The following DNM2 variants were observed in gnomAD, a reference collection of about 807,000 sequenced individuals.
DNM2 encodes the protein dynamin-2.
In DNM2, 15 loss-of-function variants were observed where a neutral mutation model predicts 99.0. That is an observed-to-expected ratio of 0.15 (90% CI 0.10 to 0.23). The LOEUF (loss-of-function observed/expected upper bound fraction) is 0.23. DNM2 is among the 10% of genes least tolerant of loss of function. The probability of loss-of-function intolerance (pLI) is 1.00; values close to 1 mark genes in which losing one functional copy is unlikely to be tolerated. For synonymous variants in DNM2, 525 were observed against 481.2 expected (o/e 1.09, Z -1.19); for missense variants, 742 against 1,189.4 (o/e 0.62, Z 5.53).
chr19:10,818,194 T>G lies in DNM2; in HGVS notation c.1672-1786T>G, dbSNP rs2072835237. On this transcript the variant is annotated intron_variant, in intron 15 of 20. Coordinates refer to ENST00000389253, the MANE Select transcript of DNM2 (RefSeq NM_001005361.3). The surrounding 1 kb of genome is among the most constrained non-coding windows in gnomAD (Gnocchi z 4.3). ...TTGGGTCCGCAGCGGCATCCCTCCC[T>G]CCATGGCCACCGGGCCCCTCTCCTA... Among the ~76,000 whole-genome samples, 1 of 114,388 alleles carries G rather than the reference T, an allele frequency of 8.7e-6. No individual in the cohort carries two copies. Among genetic ancestry groups the G allele is most frequent in the Non-Finnish European group, 2.0e-5 (1 of 50,822 alleles). 75.0% of individuals were successfully genotyped at this position (114,388 alleles called of 152,430 possible). A position where few individuals can be genotyped will look rare whatever the true frequency, so the allele number is the denominator to read the frequency against.
At position 10,829,020 on chromosome 19, in the gene DNM2, C is replaced by T. The variant is rs1366872498; in HGVS notation, c.2059-16C>T. On this transcript the variant is annotated splice_polypyrimidine_tract_variant and intron_variant, in intron 18 of 20. Transcript: ENST00000389253. ...GGTGATACACAAGCCTGACCCTCCC[C>T]AACCCCTGCCCGCAGACGAAGGCCT... 6.2e-7 allele frequency: 1 copy of T among 1,610,320 alleles called. No individual in the cohort carries two copies. Among genetic ancestry groups the T allele is most frequent in the East Asian group, 2.2e-5 (1 of 44,574 alleles).
At chr19:10,794,769 GAAAGAAA>G (rs2071877116) in intron 8 of DNM2, among the ~76,000 whole-genome samples, 1 of 151,738 alleles carries the variant, frequency 6.6e-6, no homozygotes, top group Non-Finnish European at 1.5e-5. Flanking sequence ...AAAACAAAAA[GAAAGAAA>G]AAAGAAAAAG....
At chr19:10,719,593 C>A (rs995486705) in intron 1 of DNM2, among the ~76,000 whole-genome samples, 3 of 152,214 alleles carry the variant, frequency 2.0e-5, no homozygotes, top group Non-Finnish European at 2.9e-5. Flanking sequence ...CTCCCTCCCA[C>A]CAACCCCTCT....
At chr19:10,801,462 A>G (rs2072139478) in intron 11 of DNM2, among the ~76,000 whole-genome samples, 1 of 151,990 alleles carries the variant, frequency 6.6e-6, no homozygotes, top group Non-Finnish European at 1.5e-5. Context: ...TCTACAAAAA[A>G]AGAAAAATCA....
At chr19:10,803,890 TAAAC>T (rs757383602) in intron 12 of DNM2, among the ~76,000 whole-genome samples, 3 of 152,134 alleles carry the variant, frequency 2.0e-5, no homozygotes, top group Non-Finnish European at 4.4e-5. Context: ...GTGGAGTCCT[TAAAC>T]AAATTGTCAC....
chr19:10,801,601 T>C (rs1209768280), intron 11 of DNM2, among the ~76,000 whole-genome samples: 1 of 136,028 alleles, frequency 7.4e-6, no homozygotes, highest in African/African-American at 2.8e-5. Flanking sequence ...GTAAGTTCTT[T>C]TCTCAAAAAA....
rs919939086 is a variant in DNM2, at chr19:10,772,265, G to C, written c.236-214G>C. Among the ~76,000 whole-genome samples, 1 of 151,902 alleles carries C rather than the reference G, an allele frequency of 6.6e-6. No homozygotes were observed. Among genetic ancestry groups the C allele is most frequent in the African/African-American group, 2.4e-5 (1 of 41,370 alleles). ...AGGCTAATTTTTTGTATTTTTAGTA[G>C]AGACAGGGTTTCACCATGTTAGTGA... is the stretch of plus-strand genomic sequence containing the variant. On this transcript the variant is annotated intron_variant, in intron 2 of 20. Coordinates refer to ENST00000389253, the MANE Select transcript of DNM2 (RefSeq NM_001005361.3). This position sits in a 1 kb window ranked among gnomAD's most constrained non-coding sequence, Gnocchi z 4.9.
chr19:10,812,248 G>A lies in DNM2; in HGVS notation c.1558-16G>A. The A allele has an allele frequency of 6.3e-7, 1 of 1,577,056 alleles. No homozygotes were observed. Among genetic ancestry groups the A allele is most frequent in the Non-Finnish European group, 8.6e-7 (1 of 1,161,070 alleles). On this transcript the variant is annotated splice_polypyrimidine_tract_variant and intron_variant, in intron 14 of 20. Transcript: ENST00000389253. This position sits in a 1 kb window ranked among gnomAD's most constrained non-coding sequence, Gnocchi z 4.0. ...ACGGAGCGAGGTTCCCTGCTAAGCT[G>A]CGCGCTTTCCCCCAGGTGATCCGCA...
chr19:10,796,859 T>C lies in DNM2; in HGVS notation c.1197-521T>C, dbSNP rs900728245. Among the ~76,000 whole-genome samples the C allele has an allele frequency of 3.3e-5, 5 of 151,970 alleles. No homozygotes were observed. The highest frequency in any genetic ancestry group is 3.3e-4 in the Admixed American group (5 of 15,254). ...ACCCGCGCCAACGCCGCGGGCCTGGTTCCCAGGGCAGCACGCTTTGGCCAA... is the reference window on the plus strand; with the variant it reads ...ACCCGCGCCAACGCCGCGGGCCTGGCTCCCAGGGCAGCACGCTTTGGCCAA... On this transcript the variant is annotated intron_variant, in intron 9 of 20. Coordinates refer to ENST00000389253, the MANE Select transcript of DNM2 (RefSeq NM_001005361.3). This position sits in a 1 kb window ranked among gnomAD's most constrained non-coding sequence, Gnocchi z 5.6.
intron 1 of DNM2, among the ~76,000 whole-genome samples, chr19:10,724,379 A>C (rs536055600): frequency 1.3e-5 from 2 of 152,062 alleles, no homozygotes; most frequent in African/African-American, 2.4e-5. Context: ...GAGTTTCACC[A>C]TGTTAGCCAG....
chr19:10,743,587 G>A (rs543919494), intron 1 of DNM2, among the ~76,000 whole-genome samples: 33 of 151,826 alleles, frequency 2.2e-4, no homozygotes, highest in African/African-American at 7.2e-4. Flanking sequence ...GAGGCAGGTG[G>A]ATCACAAGGT....
intron 18 of DNM2, among the ~76,000 whole-genome samples, chr19:10,825,747 G>A (rs968089639): frequency 4.6e-5 from 7 of 151,594 alleles, no homozygotes; most frequent in African/African-American, 1.7e-4. Flanking sequence ...CCAGCTACCC[G>A]GGAAGCTGAG....
intron 12 of DNM2, chr19:10,803,630 T>C: frequency 2.0e-6 from 2 of 986,374 alleles, no homozygotes; most frequent in Non-Finnish European, 2.4e-6. Context: ...GCCTTCCCAC[T>C]TACCCCAGCT....
intron 1 of DNM2, among the ~76,000 whole-genome samples, chr19:10,725,000 T>C (rs1488044282): frequency 6.6e-6 from 1 of 152,242 alleles, no homozygotes; most frequent in East Asian, 1.9e-4. Context: ...CGGATGCCCG[T>C]TGGCTCCTGT....
At chr19:10,729,217 C>T (rs1250550216) in intron 1 of DNM2, among the ~76,000 whole-genome samples, 3 of 145,172 alleles carry the variant, frequency 2.1e-5, no homozygotes, top group South Asian at 2.2e-4. Flanking sequence ...AGCATGGTGG[C>T]GGGCACCTGT....
intron 3 of DNM2, among the ~76,000 whole-genome samples, chr19:10,773,262 C>G (rs2071040471): frequency 6.6e-6 from 1 of 151,388 alleles, no homozygotes; most frequent in Non-Finnish European, 1.5e-5. Flanking sequence ...ATTCTCCTGC[C>G]TCAGCCTCCC....
At chr19:10,784,949 A>C (rs1206876702) in intron 6 of DNM2, among the ~76,000 whole-genome samples, 2 of 143,122 alleles carry the variant, frequency 1.4e-5, no homozygotes, top group Non-Finnish European at 3.0e-5. Flanking sequence ...TCAGCCTCCC[A>C]AGTAGCTGGG....
chr19:10,792,774 G>T (rs1032426592), intron 7 of DNM2, among the ~76,000 whole-genome samples: 1 of 151,884 alleles, frequency 6.6e-6, no homozygotes, highest in Non-Finnish European at 1.5e-5. Flanking sequence ...CACCCAGCTC[G>T]TTTTTGTATT....
intron 15 of DNM2, among the ~76,000 whole-genome samples, chr19:10,813,112 C>G (rs1038801729): frequency 3.3e-5 from 5 of 152,214 alleles, no homozygotes; most frequent in Admixed American, 1.3e-4. Context: ...TTTCTATCTG[C>G]GAAGTGGTCT....
Sources: gnomAD v4.1 joint callset for allele counts (sites outside exome capture counted in the v4.1 genomes callset) on GRCh38, gnomAD v4.1.1 for gene constraint, Gnocchi (gnomAD v3.1) non-coding constraint, MANE v1.5 for transcripts, NCBI Gene and HGNC (gene_info 2026-07-23, HGNC 2026-07-21) for gene names.